Variants in SKI observed in about 807,000 individuals in gnomAD.
The protein encoded by SKI is ski oncogene.
A neutral mutation model predicts 59.3 loss-of-function variants in SKI; 23 were observed. The observed-to-expected ratio is 0.39, with a 90% CI of 0.28 to 0.55. The LOEUF is 0.55. Ranked by LOEUF, SKI falls within the 20% of genes least tolerant of loss-of-function variation. The pLI is 0.67. For synonymous variants in SKI, 673 were observed against 488.6 expected (o/e 1.38, Z -4.98); for missense variants, 1,017 against 1,038.9 (o/e 0.98, Z 0.29).
At chr1:2,245,788 CTTT>C (rs766445644) in intron 1 of SKI, among the ~76,000 whole-genome samples, 138 of 70,364 alleles carry the variant, frequency 2.0e-3, no homozygotes, top group African/African-American at 7.2e-3. Context: ...ATTTTTCCTT[CTTT>C]TTTTTTTTTT....
intron 1 of SKI, among the ~76,000 whole-genome samples, chr1:2,294,852 C>T (rs1179199326): frequency 6.6e-6 from 1 of 152,196 alleles, no homozygotes; most frequent in Admixed American, 6.5e-5. Context: ...AGGGCAGGAT[C>T]CACCCTCCAC....
intron 1 of SKI, among the ~76,000 whole-genome samples, chr1:2,244,310 G>T (rs1471084226): frequency 1.3e-5 from 2 of 150,522 alleles, no homozygotes; most frequent in Non-Finnish European, 3.0e-5. Flanking sequence ...GGGCATGGTG[G>T]CTCACACCTG....
At chr1:2,304,179 G>A in intron 4 of SKI, 77 bp downstream of exon 4, 1 of 1,584,504 alleles carries the variant, frequency 6.3e-7, no homozygotes, top group Non-Finnish European at 8.6e-7. Context: ...CTGGTCGCCG[G>A]GGGTGCGTTG....
chr1:2,273,462 C>T (rs1231573872), intron 1 of SKI, among the ~76,000 whole-genome samples: 2 of 152,076 alleles, frequency 1.3e-5, no homozygotes, highest in Non-Finnish European at 2.9e-5. Context: ...GAGGGCAGGA[C>T]GGGGTGGCTG....
chr1:2,293,727 C>G (rs1345438458), intron 1 of SKI, among the ~76,000 whole-genome samples: 1 of 152,192 alleles, frequency 6.6e-6, no homozygotes, highest in Non-Finnish European at 1.5e-5. Context: ...GATCCCCGTG[C>G]AAGGCCCCTG....
chr1:2,282,330 G>GA (rs534664010), intron 1 of SKI, among the ~76,000 whole-genome samples: 1 of 4,040 alleles, frequency 2.5e-4, no homozygotes, highest in Non-Finnish European at 4.6e-4. Context: ...TTCAGAGAGA[G>GA]GACGCCCGAG....
intron 1 of SKI, among the ~76,000 whole-genome samples, chr1:2,294,064 GAA>G (rs1640229852): frequency 6.6e-6 from 1 of 152,198 alleles, no homozygotes; most frequent in African/African-American, 2.4e-5. Context: ...TCAGATATTG[GAA>G]GGATGTCGTG....
chr1:2,295,581 T>C (rs1191432738), intron 1 of SKI, among the ~76,000 whole-genome samples: 2 of 152,192 alleles, frequency 1.3e-5, no homozygotes, highest in African/African-American at 4.8e-5. Context: ...TCTTGGCCAT[T>C]GGCCTGTCCT....
intron 1 of SKI, among the ~76,000 whole-genome samples, chr1:2,260,328 T>C (rs1480204041): frequency 6.6e-6 from 1 of 152,192 alleles, no homozygotes; most frequent in African/African-American, 2.4e-5. Flanking sequence ...ATGTCCCTTC[T>C]GATTTTTGCC....
chr1:2,278,868 G>A (rs567737727), intron 1 of SKI, among the ~76,000 whole-genome samples: 1 of 152,306 alleles, frequency 6.6e-6, no homozygotes, highest in East Asian at 1.9e-4. Context: ...GTGGTGGGGG[G>A]TGTTGGGGCT....
chr1:2,303,969 C>T lies in SKI; in HGVS notation c.1341C>T (p.Ala447=), dbSNP rs1263236852. 6.2e-7 allele frequency: 1 copy of T among 1,612,390 alleles called. No individual in the cohort carries two copies. The change falls in exon 4 of 7, where the codon GCC becomes GCT. Residue 447 remains alanine, a synonymous_variant. Coordinates refer to ENST00000378536, the MANE Select transcript of SKI (RefSeq NM_003036.4). The surrounding 1 kb of genome is among the most constrained non-coding windows in gnomAD (Gnocchi z 5.6). The part of the protein sequence containing the change: ...AAVSRAPEPL[A]TCTQPRKRKL... ...TCTCCCGGGCCCCCGAGCCTCTCGC[C>T]ACTTGCACCCAGCCTCGGAAGCGGA...
At position 2,260,116 on chromosome 1, in the gene SKI, C is replaced by T. The variant is rs1191757138; in HGVS notation, c.969+30381C>T. On this transcript the variant is annotated intron_variant, in intron 1 of 6. Transcript: ENST00000378536. ...TATCTTCCAAGGTGGCTGCACCATTCCTCGTCCTACCAGCAGTGAGTGAGA... is the reference window on the plus strand; with the variant it reads ...TATCTTCCAAGGTGGCTGCACCATTTCTCGTCCTACCAGCAGTGAGTGAGA... Among the ~76,000 whole-genome samples, 6 of 152,222 alleles carry T rather than the reference C, an allele frequency of 3.9e-5. No homozygotes were observed. In the East Asian group the frequency reaches 9.6e-4, roughly 24 times the overall value.
chr1:2,301,851 T>G (rs1054985377), intron 1 of SKI, among the ~76,000 whole-genome samples: 1 of 152,238 alleles, frequency 6.6e-6, no homozygotes, highest in Admixed American at 6.5e-5. Context: ...AAGGGCCCCT[T>G]GCCCTGTGTG....
chr1:2,272,817 C>T (rs1290810713), intron 1 of SKI, among the ~76,000 whole-genome samples: 1 of 151,718 alleles, frequency 6.6e-6, no homozygotes, highest in Admixed American at 6.6e-5. Context: ...AGGCAGTTCT[C>T]ACCACGCCCC....
Position 2,303,344 on chromosome 1 carries a change from A to C in SKI, c.1155A>C (p.Ala385=). ...RLSAFRPWSP[A]VSASEKELSP... ...CTGCTTTCCGACCCTGGTCCCCCGC[A>C]GTGTCAGCGAGTGAGAAAGAGCTCT... Residue 385 remains alanine, a synonymous_variant, in exon 3 of 7, where the codon GCA becomes GCC. Transcript: ENST00000378536. The surrounding 1 kb of genome is among the most constrained non-coding windows in gnomAD (Gnocchi z 5.6). 6.2e-7 allele frequency: 1 copy of C among 1,613,720 alleles called. No homozygotes were observed. Among genetic ancestry groups the C allele is most frequent in the Non-Finnish European group, 8.5e-7 (1 of 1,180,020 alleles).
chr1:2,239,472 T>C (rs1213300008), intron 1 of SKI, among the ~76,000 whole-genome samples: 2 of 152,194 alleles, frequency 1.3e-5, no homozygotes, highest in Non-Finnish European at 2.9e-5. Context: ...GAGCTCCCGT[T>C]GGGGGAACGG....
Position 2,307,420 on chromosome 1 carries a change from G to C in SKI, c.*655G>C, listed in dbSNP as rs747466287. The C allele has an allele frequency of 6.6e-5, 10 of 152,446 alleles. No homozygotes were observed. Among genetic ancestry groups the C allele is most frequent in the Non-Finnish European group, 1.2e-4 (8 of 68,084 alleles). 9.4% of individuals were successfully genotyped at this position (152,446 alleles called of 1,614,324 possible). A position where few individuals can be genotyped will look rare whatever the true frequency, so the allele number is the denominator to read the frequency against. Reference sequence around the variant, plus strand: ...CGTCGATGCCAGCGCTGTCCCCACGGGTACCAGGAAGTGCAGAGCCGCACA... The same window carrying C: ...CGTCGATGCCAGCGCTGTCCCCACGCGTACCAGGAAGTGCAGAGCCGCACA... On this transcript the variant is annotated 3_prime_UTR_variant, in exon 7 of 7. Coordinates refer to ENST00000378536, the MANE Select transcript of SKI (RefSeq NM_003036.4).
rs780171614 is a variant in SKI at position 2,303,353 on chromosome 1, G to A, written c.1164G>A (p.Ala388=). The A allele has an allele frequency of 1.5e-5, 25 of 1,613,612 alleles. No homozygotes were observed. In the Admixed American group the frequency reaches 2.2e-4, roughly 14 times the overall value. Residue 388 remains alanine, a synonymous_variant, in exon 3 of 7, where the codon GCG becomes GCA. Transcript: ENST00000378536. The surrounding 1 kb of genome is among the most constrained non-coding windows in gnomAD (Gnocchi z 5.6). ...GACCCTGGTCCCCCGCAGTGTCAGC[G>A]AGTGAGAAAGAGCTCTCCCCACACC... ...AFRPWSPAVS[A]SEKELSPHLP...
rs1406485744 is a variant in SKI at position 2,228,448 on chromosome 1, G to A, written c.-319G>A. On this transcript the variant is annotated 5_prime_UTR_variant, in exon 1 of 7. Coordinates refer to ENST00000378536, the MANE Select transcript of SKI (RefSeq NM_003036.4). ...CGTTGGCGTTGGCGGCGCGCGCCGGGGCATGCCCCGCGCCTAGAGCCCGGG... is the reference window on the plus strand; with the variant it reads ...CGTTGGCGTTGGCGGCGCGCGCCGGAGCATGCCCCGCGCCTAGAGCCCGGG... Among the ~76,000 whole-genome samples, 1 of 142,692 alleles carries A rather than the reference G, an allele frequency of 7.0e-6. No homozygotes were observed. The highest frequency in any genetic ancestry group is 1.6e-5 in the Non-Finnish European group (1 of 64,452). The allele number at this position is 142,692 out of a possible 152,430, so 93.6% of individuals were successfully genotyped here.
Sources: gnomAD v4.1 joint callset for allele counts (sites outside exome capture counted in the v4.1 genomes callset) on GRCh38, gnomAD v4.1.1 for gene constraint, Gnocchi (gnomAD v3.1) non-coding constraint, MANE v1.5 for transcripts, NCBI Gene and HGNC (gene_info 2026-07-23, HGNC 2026-07-21) for gene names.